Variants in CDH7 observed in about 807,000 individuals in gnomAD.
CDH7 encodes the protein cadherin-7.
In CDH7, 25 loss-of-function variants were observed where a neutral mutation model predicts 71.8. That is an observed-to-expected ratio of 0.35 (90% CI 0.25 to 0.49). CDH7 has a LOEUF of 0.49. CDH7 is among the 20% of genes least tolerant of loss of function. The pLI, the probability that CDH7 is intolerant of heterozygous loss-of-function variation, is 0.99. For synonymous variants in CDH7, 381 were observed against 363.8 expected, an observed-to-expected ratio of 1.05 and a Z score of -0.54; for missense variants, 862 against 974.6, an observed-to-expected ratio of 0.88 and a Z score of 1.54.
chr18:65,817,957 T>A (rs187153609), intron 4 of CDH7, among the ~76,000 whole-genome samples: 1 of 152,214 alleles, frequency 6.6e-6, no homozygotes, highest in African/African-American at 2.4e-5. Context: ...AATTTGAAAC[T>A]TCTTTGTTCA....
Position 65,809,864 on chromosome 18 carries a change from C to T in CDH7, c.371C>T (p.Ala124Val), listed in dbSNP as rs1911463366. Residue 124 changes from alanine to valine, a missense_variant, in exon 3 of 12, where the codon GCG becomes GTG. Physicochemically the swap from Ala to Val is moderately conservative, Grantham distance 64. Transcript: ENST00000397968. ...EQAYYTLRAQ[A>V]LDRLTNKPVE... ...GCCTACTACACGCTCCGAGCTCAAGCGCTGGATAGGCTCACCAACAAACCC... is the reference window on the plus strand; with the variant it reads ...GCCTACTACACGCTCCGAGCTCAAGTGCTGGATAGGCTCACCAACAAACCC... 9 of 1,613,874 alleles carry T rather than the reference C, an allele frequency of 5.6e-6. No individual in the cohort carries two copies. The highest frequency in any genetic ancestry group is 1.6e-4 in the Middle Eastern group (1 of 6,062).
chr18:65,795,058 T>C (rs1042423941), intron 2 of CDH7, among the ~76,000 whole-genome samples: 1 of 152,032 alleles, frequency 6.6e-6, no homozygotes, highest in African/African-American at 2.4e-5. Flanking sequence ...TAAAGTAGTA[T>C]AAGGAACAGA....
At chr18:65,868,056 G>GGAAAAATAAGTTAA (rs11274425) in intron 11 of CDH7, among the ~76,000 whole-genome samples, 1 of 151,826 alleles carries the variant, frequency 6.6e-6, no homozygotes, top group Non-Finnish European at 1.5e-5. Flanking sequence ...CATCACTGAA[G>GGAAAAATAAGTTAA]ATTGTGGAGA....
intron 11 of CDH7, among the ~76,000 whole-genome samples, chr18:65,878,229 T>C (rs1309919902): frequency 6.6e-6 from 1 of 152,214 alleles, no homozygotes; most frequent in East Asian, 1.9e-4. Flanking sequence ...CTTTCTACTT[T>C]GCTTGTTACC....
rs1914376832 is a variant in CDH7, at chr18:65,886,460, A to G, written c.*5566A>G. Reference sequence around the variant, plus strand: ...TTGCAGTTTAACTCAACATAATTCAACCATTCATATGAATTAATGATATCC... The same window carrying G: ...TTGCAGTTTAACTCAACATAATTCAGCCATTCATATGAATTAATGATATCC... On this transcript the variant is annotated 3_prime_UTR_variant, in exon 12 of 12. Coordinates refer to ENST00000397968, the MANE Select transcript of CDH7 (RefSeq NM_004361.5). The G allele has an allele frequency of 6.6e-6, 1 of 152,174 alleles. No individual in the cohort carries two copies. The highest frequency in any genetic ancestry group is 1.5e-5 in the Non-Finnish European group (1 of 68,012). 9.4% of individuals were successfully genotyped at this position (152,174 alleles called of 1,614,324 possible).
In CDH7 at chr18:65,889,761, A is replaced by G. The variant is rs1476672446; in HGVS notation, c.*8867A>G. 2 of 152,244 alleles carry G rather than the reference A, an allele frequency of 1.3e-5. No individual in the cohort carries two copies. Among genetic ancestry groups the G allele is most frequent in the East Asian group, 1.9e-4 (1 of 5,198 alleles). The allele number at this position is 152,244 out of a possible 1,614,324, so 9.4% of individuals were successfully genotyped here. On this transcript the variant is annotated 3_prime_UTR_variant, in exon 12 of 12. Transcript: ENST00000397968. ...ATACTATATTAGACACTGTGCAAGA[A>G]GGAACTTGTGAAGCTAAAAAATAGA...
chr18:65,867,136 C>T (rs971032018), intron 11 of CDH7, among the ~76,000 whole-genome samples: 2 of 151,082 alleles, frequency 1.3e-5, no homozygotes, highest in Non-Finnish European at 2.9e-5. Context: ...CCTGGGTTCA[C>T]GCCATTCTCC....
rs1380980031 is a variant in CDH7, at chr18:65,886,904, A to G, written c.*6010A>G. ...TAAAAAATAATATATAATGGATATT[A>G]CTTTTTGTCAGTGATGCCAAGATGA... On this transcript the variant is annotated 3_prime_UTR_variant, in exon 12 of 12. Transcript: ENST00000397968. 1 of 152,150 alleles carries G rather than the reference A, an allele frequency of 6.6e-6. No individual in the cohort carries two copies. The highest frequency in any genetic ancestry group is 1.9e-4 in the East Asian group (1 of 5,196). The allele number at this position is 152,150 out of a possible 1,614,324, so 9.4% of individuals were successfully genotyped here.
chr18:65,889,853 G>A lies in CDH7; in HGVS notation c.*8959G>A, dbSNP rs1914460701. 1 of 152,122 alleles carries A rather than the reference G, an allele frequency of 6.6e-6. No individual in the cohort carries two copies. Among genetic ancestry groups the A allele is most frequent in the African/African-American group, 2.4e-5 (1 of 41,436 alleles). The allele number at this position is 152,122 out of a possible 1,614,324, so 9.4% of individuals were successfully genotyped here. ...TAATCTGCAAGAACATAAGGGACAAGGATAAAATACGGAGTTTAACGTGCT... is the reference window on the plus strand; with the variant it reads ...TAATCTGCAAGAACATAAGGGACAAAGATAAAATACGGAGTTTAACGTGCT... On this transcript the variant is annotated 3_prime_UTR_variant, in exon 12 of 12. Coordinates refer to ENST00000397968, the MANE Select transcript of CDH7 (RefSeq NM_004361.5).
At chr18:65,852,344 T>C (rs1913180000) in intron 7 of CDH7, among the ~76,000 whole-genome samples, 1 of 152,164 alleles carries the variant, frequency 6.6e-6, no homozygotes, top group Non-Finnish European at 1.5e-5. Context: ...CTTGCGTTAG[T>C]TAGAAATTGT....
intron 2 of CDH7, among the ~76,000 whole-genome samples, chr18:65,789,074 A>C (rs763120256): frequency 3.1e-4 from 47 of 152,236 alleles, no homozygotes; most frequent in Non-Finnish European, 4.4e-4. Context: ...TTAAATATGC[A>C]AAGAAATATT....
chr18:65,810,136 G>A (rs1359448876), intron 3 of CDH7, 138 bp downstream of exon 3: 2 of 676,986 alleles, frequency 3.0e-6, no homozygotes, highest in Admixed American at 2.7e-5. Context: ...TAGGGTGAGG[G>A]GAACATTTGA....
intron 1 of CDH7, among the ~76,000 whole-genome samples, chr18:65,751,599 G>C (rs1012374755): frequency 6.6e-6 from 1 of 152,174 alleles, no homozygotes; most frequent in Non-Finnish European, 1.5e-5. Flanking sequence ...GGGGGTATGC[G>C]CCGCTTTGGG....
chr18:65,799,471 A>G (rs1019953583), intron 2 of CDH7, among the ~76,000 whole-genome samples: 1 of 151,988 alleles, frequency 6.6e-6, no homozygotes, highest in Non-Finnish European at 1.5e-5. Context: ...AGGTCAGGAG[A>G]TCGAGACCAT....
intron 7 of CDH7, among the ~76,000 whole-genome samples, chr18:65,853,218 G>A (rs1047565778): frequency 2.6e-5 from 4 of 152,170 alleles, no homozygotes; most frequent in African/African-American, 7.2e-5. Flanking sequence ...GGCATCAGAA[G>A]TTGCACTGTA....
intron 11 of CDH7, among the ~76,000 whole-genome samples, chr18:65,877,423 CAA>C (rs1320969899): frequency 6.6e-6 from 1 of 151,862 alleles, no homozygotes; most frequent in Non-Finnish European, 1.5e-5. Context: ...ATATTTATGA[CAA>C]AATTTATTAT....
At chr18:65,783,096 G>C (rs1910374465) in intron 2 of CDH7, among the ~76,000 whole-genome samples, 1 of 152,168 alleles carries the variant, frequency 6.6e-6, no homozygotes, top group Admixed American at 6.6e-5. Flanking sequence ...GTATGTTCAA[G>C]AATGACCACA....
intron 2 of CDH7, among the ~76,000 whole-genome samples, chr18:65,801,263 G>A (rs539291607): frequency 6.6e-6 from 1 of 152,084 alleles, no homozygotes; most frequent in Non-Finnish European, 1.5e-5. Flanking sequence ...AAACAAACAG[G>A]CTAGATTCAA....
At chr18:65,858,056 G>A in intron 8 of CDH7, 104 bp downstream of exon 8, 1 of 1,084,778 alleles carries the variant, frequency 9.2e-7, no homozygotes, top group Non-Finnish European at 1.3e-6. Context: ...TTCCTTCTTT[G>A]AATTGTACAA....
Sources: gnomAD v4.1 joint callset for allele counts (sites outside exome capture counted in the v4.1 genomes callset) on GRCh38, gnomAD v4.1.1 for gene constraint, MANE v1.5 for transcripts, NCBI Gene and HGNC (gene_info 2026-07-23, HGNC 2026-07-21) for gene names.